TENM2: variants seen among roughly 807,000 people sequenced by gnomAD.
TENM2 encodes the protein teneurin-2.
A neutral mutation model predicts 245.2 loss-of-function variants in TENM2; 52 were observed. The ratio of observed to expected loss-of-function variants is 0.21; its 90% confidence interval spans 0.17 to 0.27. The LOEUF is 0.27. Ranked by LOEUF, TENM2 falls within the 10% of genes least tolerant of loss-of-function variation. The pLI is 1.00. For synonymous variants in TENM2, 1,363 were observed against 1,438.9 expected, an observed-to-expected ratio of 0.95 and a Z score of 1.19; for missense variants, 3,046 against 3,666.8, an observed-to-expected ratio of 0.83 and a Z score of 4.37.
chr5:167,998,154 A>G (rs1784189396), intron 5 of TENM2, among the ~76,000 whole-genome samples: 1 of 152,226 alleles, frequency 6.6e-6, no homozygotes, highest in Non-Finnish European at 1.5e-5. Context: ...GCTCCAATCC[A>G]TGGATAGAGT....
At chr5:167,109,457 G>A in the TENM2 span, among the ~76,000 whole-genome samples, 2 of 151,886 alleles carry the variant, frequency 1.3e-5, no homozygotes, top group South Asian at 2.1e-4. Context: ...AATATCCTCA[G>A]CATTAAACAA....
chr5:167,539,543 G>A (rs1294482195), intron 2 of TENM2, among the ~76,000 whole-genome samples: 1 of 152,078 alleles, frequency 6.6e-6, no homozygotes, highest in Non-Finnish European at 1.5e-5. Context: ...TAAGATTAAG[G>A]TATAAGAAAG....
At chr5:167,565,889 T>C (rs1348650884) in intron 2 of TENM2, among the ~76,000 whole-genome samples, 1 of 152,192 alleles carries the variant, frequency 6.6e-6, no homozygotes, top group Non-Finnish European at 1.5e-5. Flanking sequence ...AGGGAGTGTA[T>C]GGCACTTTTC....
chr5:167,947,709 A>G (rs1779747602), intron 3 of TENM2, among the ~76,000 whole-genome samples: 1 of 152,168 alleles, frequency 6.6e-6, no homozygotes, highest in African/African-American at 2.4e-5. Context: ...TTGAGATGTA[A>G]CTTGCCCTAA....
chr5:167,671,279 T>A (rs1457082272), intron 2 of TENM2, among the ~76,000 whole-genome samples: 3 of 152,156 alleles, frequency 2.0e-5, no homozygotes, highest in African/African-American at 7.2e-5. Flanking sequence ...GAGAAGCATT[T>A]GAGAGTCCCA....
In TENM2 at chr5:167,754,328, T is replaced by C. The variant is rs545233633; in HGVS notation, c.503-121658T>C. On this transcript the variant is annotated intron_variant, in intron 2 of 28. Transcript: ENST00000518659. Reference sequence around the variant, plus strand: ...AAACTTGATCAGATCTATCTAAAGGTAACCGACCAGGAAGGAGAACTGACC... The same window carrying C: ...AAACTTGATCAGATCTATCTAAAGGCAACCGACCAGGAAGGAGAACTGACC... Among the ~76,000 whole-genome samples, 10 of 152,254 alleles carry C rather than the reference T, an allele frequency of 6.6e-5. 1 individual carries two copies. The highest frequency in any genetic ancestry group is 2.4e-4 in the African/African-American group (10 of 41,550).
the TENM2 span, among the ~76,000 whole-genome samples, chr5:167,243,519 T>C: frequency 2.0e-5 from 3 of 152,112 alleles, no homozygotes; most frequent in African/African-American, 7.2e-5. Flanking sequence ...AGAATTGTTG[T>C]AGTGAGTTGG....
At chr5:167,429,072 A>T (rs1764048469) in intron 2 of TENM2, among the ~76,000 whole-genome samples, 1 of 152,144 alleles carries the variant, frequency 6.6e-6, no homozygotes, top group Admixed American at 6.6e-5. Flanking sequence ...TATAAATGGA[A>T]TTTTTGAATG....
At chr5:167,246,006 C>T in the TENM2 span, among the ~76,000 whole-genome samples, 1 of 152,098 alleles carries the variant, frequency 6.6e-6, no homozygotes, top group Non-Finnish European at 1.5e-5. Context: ...GAATGCTTCC[C>T]TTGTTCATTT....
At chr5:168,213,104 T>C (rs1282923843) in intron 20 of TENM2, among the ~76,000 whole-genome samples, 1 of 152,210 alleles carries the variant, frequency 6.6e-6, no homozygotes, top group African/African-American at 2.4e-5. Context: ...AAAAATGGCA[T>C]GAATTTTTCC....
At chr5:167,603,290 A>T (rs1561592093) in intron 2 of TENM2, among the ~76,000 whole-genome samples, 1 of 152,144 alleles carries the variant, frequency 6.6e-6, no homozygotes, top group Non-Finnish European at 1.5e-5. Flanking sequence ...GTTTAATGTC[A>T]TCTATTTGGG....
the TENM2 span, among the ~76,000 whole-genome samples, chr5:167,250,234 T>A: frequency 6.6e-6 from 1 of 151,864 alleles, no homozygotes; most frequent in Admixed American, 6.6e-5. Flanking sequence ...GTGGGGAGGA[T>A]CACTTGAGCC....
chr5:167,481,410 G>A (rs765187384), intron 2 of TENM2, among the ~76,000 whole-genome samples: 5 of 152,108 alleles, frequency 3.3e-5, no homozygotes, highest in African/African-American at 1.2e-4. Flanking sequence ...ATCTGAAAGC[G>A]ATTTAAAATG....
exon 10 of TENM2, chr5:168,118,355 G>T: frequency 1.2e-6 from 2 of 1,611,544 alleles, no homozygotes; most frequent in South Asian, 2.2e-5. Context: ...CAGTGCTACA[G>T]CGGCTGGAAA....
chr5:167,110,991 C>T, the TENM2 span, among the ~76,000 whole-genome samples: 2 of 152,104 alleles, frequency 1.3e-5, no homozygotes, highest in African/African-American at 4.8e-5. Flanking sequence ...TTCTCTCTCT[C>T]TCTTTTTCTC....
chr5:167,934,134 A>C (rs1198713837), intron 3 of TENM2, among the ~76,000 whole-genome samples: 2 of 152,236 alleles, frequency 1.3e-5, no homozygotes, highest in Non-Finnish European at 2.9e-5. Context: ...CCCCCAGAAC[A>C]CATATTATCA....
At chr5:167,227,630 C>A in the TENM2 span, among the ~76,000 whole-genome samples, 2 of 152,110 alleles carry the variant, frequency 1.3e-5, no homozygotes, top group Admixed American at 6.5e-5. Context: ...TCCACTTTTG[C>A]TCTGATGGGC....
chr5:168,123,665 C>G (rs548740548), intron 10 of TENM2, among the ~76,000 whole-genome samples: 7 of 152,330 alleles, frequency 4.6e-5, no homozygotes, highest in African/African-American at 1.7e-4. Context: ...TCTGGGCCAA[C>G]AGGCCTGATT....
chr5:167,044,110 G>T, the TENM2 span, among the ~76,000 whole-genome samples: 1 of 152,058 alleles, frequency 6.6e-6, no homozygotes, highest in Middle Eastern at 3.2e-3. Context: ...AGTGAAGACG[G>T]TTCATTAGAA....
Sources: gnomAD v4.1 joint callset for allele counts (sites outside exome capture counted in the v4.1 genomes callset) on GRCh38, gnomAD v4.1.1 for gene constraint, MANE v1.5 for transcripts, NCBI Gene and HGNC (gene_info 2026-07-23, HGNC 2026-07-21) for gene names.